The following BRWD3 variants were observed in gnomAD, a reference collection of about 807,000 sequenced individuals.
BRWD3 encodes the protein bromodomain and WD repeat domain containing 3.
A neutral mutation model predicts 149.7 loss-of-function variants in BRWD3; 10 were observed. That is an observed-to-expected ratio of 0.07 (90% confidence interval 0.04 to 0.11). BRWD3 has a LOEUF of 0.11. Ranked by LOEUF, BRWD3 falls within the 10% of genes least tolerant of loss-of-function variation. The pLI is 1.00. For synonymous variants in BRWD3, 504 were observed against 456.7 expected (o/e 1.10, Z -1.32); for missense variants, 940 against 1,373.2 (o/e 0.68, Z 4.99).
intron 21 of BRWD3, among the ~76,000 whole-genome samples, chrX:80,708,807 T>C: frequency 9.9e-6 from 1 of 101,240 alleles, no homozygotes; most frequent in African/African-American, 3.7e-5. Context: ...AGAGTGAGAC[T>C]CCATCTCAAA....
At chrX:80,706,195 G>T (rs1442449934) in intron 22 of BRWD3, among the ~76,000 whole-genome samples, 5 of 110,083 alleles carry the variant, frequency 4.5e-5, no homozygotes, top group African/African-American at 1.7e-4. Flanking sequence ...TGCAATCTCT[G>T]CCTTCTGGGT....
intron 6 of BRWD3, among the ~76,000 whole-genome samples, chrX:80,762,678 T>A (rs1222052739): frequency 9.0e-6 from 1 of 111,446 alleles, no homozygotes; most frequent in Non-Finnish European, 1.9e-5. Context: ...GCCTCTGGCT[T>A]TACCAATTCT....
At chrX:80,764,951 A>G (rs1053902436) in intron 6 of BRWD3, among the ~76,000 whole-genome samples, 1 of 111,904 alleles carries the variant, frequency 8.9e-6, no homozygotes, top group Non-Finnish European at 1.9e-5. Context: ...CTAATTTTAT[A>G]TATCAATTTG....
At chrX:80,765,576 G>C (rs1355940217) in intron 6 of BRWD3, among the ~76,000 whole-genome samples, 1 of 111,515 alleles carries the variant, frequency 9.0e-6, no homozygotes, top group Non-Finnish European at 1.9e-5. Flanking sequence ...ACTGAGTACT[G>C]TAAGTGTTAT....
At chrX:80,708,309 T>C (rs141916492) in intron 21 of BRWD3, among the ~76,000 whole-genome samples, 68 of 110,296 alleles carry the variant, frequency 6.2e-4, no homozygotes, top group African/African-American at 2.0e-3. Flanking sequence ...GACAGGAGAA[T>C]TGCTTGAACT....
chrX:80,808,265 C>T (rs1163218154), intron 4 of BRWD3, among the ~76,000 whole-genome samples: 1 of 109,592 alleles, frequency 9.1e-6, no homozygotes, highest in East Asian at 2.9e-4. Flanking sequence ...TGGGCCTTCC[C>T]CAATGTTTGT....
At chrX:80,720,817 T>A (rs937910599) in intron 17 of BRWD3, among the ~76,000 whole-genome samples, 1 of 111,853 alleles carries the variant, frequency 8.9e-6, no homozygotes, top group African/African-American at 3.2e-5. Flanking sequence ...CCATTCTTAA[T>A]CTTTTATACC....
intron 15 of BRWD3, 47 bp downstream of exon 15, chrX:80,724,886 G>A (rs766752662): frequency 5.0e-6 from 6 of 1,189,929 alleles, no homozygotes; most frequent in Non-Finnish European, 6.8e-6. Context: ...TATTATATGA[G>A]AGAAGTTGGT....
chrX:80,809,063 G>C, intron 2 of BRWD3, 21 bp from the exon 3 acceptor site: 2 of 1,183,441 alleles, frequency 1.7e-6, no homozygotes, highest in Non-Finnish European at 1.1e-6. Flanking sequence ...GGGAAACACA[G>C]ATATGAGGAG....
chrX:80,757,879 T>A (rs1334019602), intron 6 of BRWD3, among the ~76,000 whole-genome samples: 1 of 112,433 alleles, frequency 8.9e-6, no homozygotes, highest in East Asian at 2.8e-4. Flanking sequence ...TAAAGCACTG[T>A]GATAGATCCT....
chrX:80,807,948 C>G (rs2074365265), intron 4 of BRWD3, among the ~76,000 whole-genome samples: 2 of 110,760 alleles, frequency 1.8e-5, no homozygotes, highest in African/African-American at 6.6e-5. Flanking sequence ...ATTACCTAAC[C>G]GGCAAAATTT....
intron 14 of BRWD3, among the ~76,000 whole-genome samples, chrX:80,727,620 G>T (rs1368610420): frequency 9.0e-6 from 1 of 111,428 alleles, no homozygotes; most frequent in Non-Finnish European, 1.9e-5. Flanking sequence ...ATATCAGATA[G>T]TGATAAACCT....
chrX:80,682,916 A>C (rs1453783983), intron 37 of BRWD3, among the ~76,000 whole-genome samples: 1 of 112,153 alleles, frequency 8.9e-6, no homozygotes, highest in Non-Finnish European at 1.9e-5. Flanking sequence ...TGTACAAAAA[A>C]ACCTTAAAGA....
At chrX:80,716,670 A>C (rs766454817) in intron 19 of BRWD3, among the ~76,000 whole-genome samples, 97 of 112,188 alleles carry the variant, frequency 8.6e-4, no homozygotes, top group Admixed American at 8.0e-3. Context: ...CTGTAGCTGA[A>C]TGATATGCCA....
intron 9 of BRWD3, 129 bp downstream of exon 9, chrX:80,735,859 A>G: frequency 2.5e-6 from 1 of 403,896 alleles, no homozygotes; most frequent in Non-Finnish European, 4.3e-6. Context: ...TGAAGTAGGT[A>G]TGGATATGTA....
intron 6 of BRWD3, among the ~76,000 whole-genome samples, chrX:80,779,559 A>T (rs1291276284): frequency 9.0e-6 from 1 of 111,106 alleles, no homozygotes; most frequent in Non-Finnish European, 1.9e-5. Context: ...CAAAAAAAAT[A>T]AAAAAATTAG....
At chrX:80,698,068 T>A (rs2072726702) in intron 25 of BRWD3, among the ~76,000 whole-genome samples, 2 of 112,326 alleles carry the variant, frequency 1.8e-5, no homozygotes, top group African/African-American at 6.5e-5. Context: ...AGTGATGTTT[T>A]AGCATTTTTT....
At position 80,686,871 on chromosome X, in the gene BRWD3, AAAG is replaced by A; in HGVS notation, c.3994_3996del (p.Leu1332del). 1 of 1,209,639 alleles carries A rather than the reference AAAG, an allele frequency of 8.3e-7. No homozygotes were observed. Among genetic ancestry groups the A allele is most frequent in the Non-Finnish European group, 1.1e-6 (1 of 893,995 alleles). Reference sequence around the variant, plus strand: ...AACAACTGTATGCTTACTGGGTAAGAAAGAAGATCAGCTGGCTGTCGAAATGGC... The same window carrying A: ...AACAACTGTATGCTTACTGGGTAAGAAAGATCAGCTGGCTGTCGAAATGGC... On this transcript the variant is annotated inframe_deletion, in exon 35 of 41. Coordinates refer to ENST00000373275, the MANE Select transcript of BRWD3 (RefSeq NM_153252.5).
rs1211696865 is a variant in BRWD3, at chrX:80,671,247, C to T, written c.*5362G>A. The T allele has an allele frequency of 1.8e-5, 2 of 111,925 alleles. No homozygotes were observed. The highest frequency in any genetic ancestry group is 3.8e-5 in the Non-Finnish European group (2 of 53,159). 9.2% of individuals were successfully genotyped at this position (111,925 alleles called of 1,213,427 possible). A position where few individuals can be genotyped will look rare whatever the true frequency, so the allele number is the denominator to read the frequency against. Reference sequence around the variant, plus strand: ...CTTTGCAGGCTGTTATTGAATGCACCAAGCAGCCCACATTTAAAGTGTAAA... The same window carrying T: ...CTTTGCAGGCTGTTATTGAATGCACTAAGCAGCCCACATTTAAAGTGTAAA... On this transcript the variant is annotated 3_prime_UTR_variant, in exon 41 of 41. Coordinates refer to ENST00000373275, the MANE Select transcript of BRWD3 (RefSeq NM_153252.5).
Sources: allele counts gnomAD v4.1 joint callset (sites outside exome capture counted in the v4.1 genomes callset), GRCh38; gene constraint gnomAD v4.1.1; transcripts MANE v1.5; gene names NCBI Gene and HGNC (gene_info 2026-07-23, HGNC 2026-07-21).